CBLN2: variants seen among roughly 807,000 people sequenced by gnomAD.
CBLN2 encodes the protein cerebellin-2.
A neutral mutation model predicts 15.0 loss-of-function variants in CBLN2; 7 were observed. The ratio of observed to expected loss-of-function variants is 0.47; its 90% CI spans 0.27 to 0.88. The LOEUF (loss-of-function observed/expected upper bound fraction) is 0.88, where lower values mean the gene tolerates loss of function less well. Ranked by LOEUF, CBLN2 falls within the 40% of genes least tolerant of loss-of-function variation. CBLN2 has a pLI of 0.14. For synonymous variants in CBLN2, 149 were observed against 135.2 expected (o/e 1.10, Z -0.71); for missense variants, 242 against 304.5 (o/e 0.79, Z 1.53).
intron 1 of CBLN2, among the ~76,000 whole-genome samples, chr18:72,574,052 T>C (rs2069348757): frequency 6.6e-6 from 1 of 152,254 alleles, no homozygotes; most frequent in South Asian, 2.1e-4. Context: ...TGAGCCTCTT[T>C]TCATATCCCT....
intron 4 of CBLN2, 83 bp from the exon 5 acceptor site, chr18:72,538,456 T>C (rs2069084556): frequency 6.7e-7 from 1 of 1,502,758 alleles, no homozygotes; most frequent in Non-Finnish European, 9.2e-7. Flanking sequence ...ATATCCCCAC[T>C]CCCACCCCCA....
At chr18:72,567,216 T>G (rs930022664) in intron 1 of CBLN2, among the ~76,000 whole-genome samples, 1 of 152,170 alleles carries the variant, frequency 6.6e-6, no homozygotes, top group African/African-American at 2.4e-5. Context: ...CATACCGTAT[T>G]CCATAAATAT....
In CBLN2 at chr18:72,628,772, A is replaced by T. The variant is rs144530540; in HGVS notation, c.15+9553T>A. Reference sequence around the variant, plus strand: ...GAAGGCACTTATGCATCATCTTCAAATATCCTCTTGGCATTAGGAATCAGC... The same window carrying T: ...GAAGGCACTTATGCATCATCTTCAATTATCCTCTTGGCATTAGGAATCAGC... On this transcript the variant is annotated intron_variant, in intron 1 of 2. Coordinates refer to the CBLN2 transcript ENST00000581073. 2.8e-3 allele frequency among the ~76,000 whole-genome samples: 420 copies of T among 152,358 alleles called. 2 individuals carry two copies. Among genetic ancestry groups the T allele is most frequent in the African/African-American group, 9.2e-3 (384 of 41,578 alleles).
At chr18:72,554,373 A>C (rs2069210670) in intron 1 of CBLN2, among the ~76,000 whole-genome samples, 1 of 152,124 alleles carries the variant, frequency 6.6e-6, no homozygotes, top group African/African-American at 2.4e-5. Context: ...AGCATATGAA[A>C]AAGGGGTTTT....
At chr18:72,624,392 C>A (rs2144970426) in intron 1 of CBLN2, among the ~76,000 whole-genome samples, 1 of 152,228 alleles carries the variant, frequency 6.6e-6, no homozygotes, top group African/African-American at 2.4e-5. Flanking sequence ...GCAATGCCAG[C>A]ACTTTGGGAA....
At chr18:72,596,218 A>G (rs1258566255) in intron 1 of CBLN2, among the ~76,000 whole-genome samples, 1 of 152,044 alleles carries the variant, frequency 6.6e-6, no homozygotes, top group African/African-American at 2.4e-5. Context: ...GAAGCTTGCA[A>G]ATAATATTTT....
chr18:72,616,695 A>G (rs1254035811), intron 1 of CBLN2, among the ~76,000 whole-genome samples: 1 of 152,190 alleles, frequency 6.6e-6, no homozygotes, highest in Non-Finnish European at 1.5e-5. Flanking sequence ...AAAAAATGAC[A>G]GACAATCTAA....
intron 1 of CBLN2, among the ~76,000 whole-genome samples, chr18:72,617,903 T>A (rs1346909788): frequency 6.6e-6 from 1 of 152,000 alleles, no homozygotes; most frequent in Non-Finnish European, 1.5e-5. Flanking sequence ...AATTATGTTG[T>A]AAAATAAAAT....
chr18:72,547,433 C>T (rs138393095), upstream of CBLN2, among the ~76,000 whole-genome samples: 278 of 152,130 alleles, frequency 1.8e-3, 1 homozygote, highest in Non-Finnish European at 2.2e-3. Context: ...TGTAAGAAAA[C>T]GGCACATGTA....
At chr18:72,561,046 C>T (rs888672171) in intron 1 of CBLN2, among the ~76,000 whole-genome samples, 4 of 151,690 alleles carry the variant, frequency 2.6e-5, no homozygotes, top group Non-Finnish European at 5.9e-5. Flanking sequence ...ATAAATAAAT[C>T]AAATGACTGT....
chr18:72,610,439 T>C (rs114740866), intron 1 of CBLN2, among the ~76,000 whole-genome samples: 1,756 of 152,300 alleles, frequency 0.012, 38 homozygotes, highest in African/African-American at 0.04. Flanking sequence ...TTCATCTAGA[T>C]TTATTTTTGT....
At chr18:72,624,086 G>A (rs1393434724) in intron 1 of CBLN2, among the ~76,000 whole-genome samples, 1 of 152,058 alleles carries the variant, frequency 6.6e-6, no homozygotes, top group Non-Finnish European at 1.5e-5. Context: ...GAAAGTCTAT[G>A]ACATGCTCAG....
intron 1 of CBLN2, among the ~76,000 whole-genome samples, chr18:72,593,756 A>G (rs1293808570): frequency 6.6e-6 from 1 of 152,162 alleles, no homozygotes. Context: ...GCATCAATTG[A>G]AATGATGATA....
At chr18:72,631,638 T>A (rs958468005) in intron 1 of CBLN2, among the ~76,000 whole-genome samples, 17 of 152,098 alleles carry the variant, frequency 1.1e-4, no homozygotes, top group Admixed American at 1.0e-3. Context: ...CTTGGGCAAA[T>A]CTGGGGATAG....
At chr18:72,584,303 T>C (rs543587613) in intron 1 of CBLN2, among the ~76,000 whole-genome samples, 1 of 151,726 alleles carries the variant, frequency 6.6e-6, no homozygotes, top group South Asian at 2.1e-4. Flanking sequence ...GAAAAAAAAA[T>C]TACCAATCCT....
chr18:72,538,044 A>T lies in CBLN2; in HGVS notation c.*132T>A. On this transcript the variant is annotated 3_prime_UTR_variant, in exon 5 of 5. Transcript: ENST00000269503. ...AAAAGTACTGGAGGTTTCAAAGGAA[A>T]TCATTCTTCTACTGCAACAGTCTGA... 1.1e-6 allele frequency: 1 copy of T among 879,578 alleles called. No individual in the cohort carries two copies. The highest frequency in any genetic ancestry group is 1.8e-6 in the Non-Finnish European group (1 of 565,298). 54.5% of individuals were successfully genotyped at this position (879,578 alleles called of 1,614,324 possible). A position where few individuals can be genotyped will look rare whatever the true frequency, so the allele number is the denominator to read the frequency against.
At chr18:72,583,016 C>T (rs1161851235) in intron 1 of CBLN2, among the ~76,000 whole-genome samples, 4 of 152,132 alleles carry the variant, frequency 2.6e-5, no homozygotes, top group Non-Finnish European at 4.4e-5. Flanking sequence ...GACTAGCTTT[C>T]TCCCTTCCAA....
At chr18:72,635,718 T>G (rs2069807918) in intron 1 of CBLN2, among the ~76,000 whole-genome samples, 1 of 152,126 alleles carries the variant, frequency 6.6e-6, no homozygotes, top group African/African-American at 2.4e-5. Context: ...ATATTTATCT[T>G]TAAAAGTCCA....
At chr18:72,610,775 T>C (rs1469744075) in intron 1 of CBLN2, among the ~76,000 whole-genome samples, 1 of 152,166 alleles carries the variant, frequency 6.6e-6, no homozygotes, top group Non-Finnish European at 1.5e-5. Context: ...TATTTTAGAT[T>C]GGGGGTACAT....
Sources: gnomAD v4.1 joint callset for allele counts (sites outside exome capture counted in the v4.1 genomes callset) on GRCh38, gnomAD v4.1.1 for gene constraint, MANE v1.5 for transcripts, NCBI Gene and HGNC (gene_info 2026-07-23, HGNC 2026-07-21) for gene names.